RAB11B: variants seen among roughly 807,000 people sequenced by gnomAD.
RAB11B encodes the protein ras-related protein Rab-11B.
Under a neutral mutation model 23.7 loss-of-function variants are expected in RAB11B, and 7 were observed. The observed-to-expected ratio is 0.29, with a 90% CI of 0.17 to 0.55. The LOEUF is 0.55. RAB11B is among the 20% of genes least tolerant of loss of function. RAB11B has a pLI of 0.93. For synonymous variants in RAB11B, 138 were observed against 132.0 expected (o/e 1.05, Z -0.31); for missense variants, 189 against 320.0 (o/e 0.59, Z 3.12).
chr19:8,395,017 C>T (rs1434721195), intron 1 of RAB11B, among the ~76,000 whole-genome samples: 2 of 152,226 alleles, frequency 1.3e-5, no homozygotes, highest in South Asian at 2.1e-4. Flanking sequence ...GTGAAGGTGT[C>T]GGGAATGCCT....
At chr19:8,395,553 G>C (rs964690931) in intron 1 of RAB11B, among the ~76,000 whole-genome samples, 1 of 152,104 alleles carries the variant, frequency 6.6e-6, no homozygotes, top group Non-Finnish European at 1.5e-5. Flanking sequence ...CACTGTACCC[G>C]GCCATCTTTC....
rs2913970 is a variant in RAB11B, at chr19:8,399,769, G to A, written c.41-94G>A. 0.29 allele frequency: 412,357 copies of A among 1,410,438 alleles called. 62,533 individuals carry two copies. The highest frequency in any genetic ancestry group is 0.32 in the Middle Eastern group (1,632 of 5,082). The allele number at this position is 1,410,438 out of a possible 1,614,324, so 87.4% of individuals were successfully genotyped here. A position where few individuals can be genotyped will look rare whatever the true frequency, so the allele number is the denominator to read the frequency against. Reference sequence around the variant, plus strand: ...CGACTCCTCCACACCGTTGGCAGCCGCGTTGGTGCAGCACCCAGGGAACCG... The same window carrying A: ...CGACTCCTCCACACCGTTGGCAGCCACGTTGGTGCAGCACCCAGGGAACCG... On this transcript the variant is annotated intron_variant, in intron 1 of 4. Coordinates refer to ENST00000328024, the MANE Select transcript of RAB11B (RefSeq NM_004218.4).
intron 2 of RAB11B, among the ~76,000 whole-genome samples, chr19:8,400,544 TCTC>T (rs1971429241): frequency 1.3e-5 from 2 of 150,430 alleles, no homozygotes; most frequent in Non-Finnish European, 3.0e-5. Flanking sequence ...CTCCCTCCCA[TCTC>T]CTTCATCCCT....
chr19:8,398,053 G>GT (rs1568228185), intron 1 of RAB11B, among the ~76,000 whole-genome samples: 1 of 152,166 alleles, frequency 6.6e-6, no homozygotes, highest in Non-Finnish European at 1.5e-5. Flanking sequence ...CACATGGTAT[G>GT]TTCTGGGTCT....
intron 1 of RAB11B, 82 bp from the exon 2 acceptor site, chr19:8,399,781 C>T: frequency 6.6e-7 from 1 of 1,511,274 alleles, no homozygotes; most frequent in Non-Finnish European, 9.1e-7. Flanking sequence ...GTTGGTGCAG[C>T]ACCCAGGGAA....
chr19:8,401,811 C>G (rs1971439660), intron 2 of RAB11B, among the ~76,000 whole-genome samples: 2 of 152,198 alleles, frequency 1.3e-5, no homozygotes, highest in African/African-American at 4.8e-5. Flanking sequence ...CATGAGCCAC[C>G]ATGCCCAGCC....
chr19:8,402,333 CT>C (rs1398324063), intron 3 of RAB11B, 54 bp downstream of exon 3: 3 of 1,531,192 alleles, frequency 2.0e-6, no homozygotes, highest in South Asian at 1.2e-5. Context: ...CAGGAGGCCC[CT>C]CACAGTGTTG....
intron 1 of RAB11B, among the ~76,000 whole-genome samples, chr19:8,395,304 C>T (rs367587033): frequency 1.9e-4 from 28 of 143,606 alleles, no homozygotes; most frequent in African/African-American, 6.0e-4. Flanking sequence ...GATGGAGTCT[C>T]GCTGTGTCGC....
In RAB11B at chr19:8,403,579, G is replaced by A. The variant is rs763311062; in HGVS notation, c.*21G>A. On this transcript the variant is annotated 3_prime_UTR_variant, in exon 5 of 5. Coordinates refer to ENST00000328024, the MANE Select transcript of RAB11B (RefSeq NM_004218.4). ...TGTGACCCCTGCGCCTCCACCCAGC[G>A]TGCGTGCACGTCCTCCGCCCGCCCC... 1.7e-5 allele frequency: 27 copies of A among 1,601,402 alleles called. No individual in the cohort carries two copies. Among genetic ancestry groups the A allele is most frequent in the Admixed American group, 1.7e-5 (1 of 59,488 alleles).
chr19:8,400,755 T>G (rs775400969), intron 2 of RAB11B, among the ~76,000 whole-genome samples: 5 of 151,686 alleles, frequency 3.3e-5, no homozygotes, highest in East Asian at 1.9e-4. Flanking sequence ...CCAGGCTAAT[T>G]TTGTATTTTT....
At chr19:8,399,378 G>A (rs192096244) in intron 1 of RAB11B, among the ~76,000 whole-genome samples, 148 of 152,282 alleles carry the variant, frequency 9.7e-4, no homozygotes, top group African/African-American at 3.5e-3. Context: ...GGGAGCCACC[G>A]TGCCTGGCCA....
intron 2 of RAB11B, among the ~76,000 whole-genome samples, chr19:8,401,645 A>G (rs1416924244): frequency 6.6e-6 from 1 of 152,042 alleles, no homozygotes; most frequent in Non-Finnish European, 1.5e-5. Context: ...TCGGCTTCCC[A>G]AAGTGCTGGG....
At position 8,402,128 on chromosome 19, in the gene RAB11B, C is replaced by T. The variant is rs746281382; in HGVS notation, c.279C>T (p.Ile93=). 2.1e-5 allele frequency: 33 copies of T among 1,608,140 alleles called. No individual in the cohort carries two copies. The East Asian group carries it at 4.7e-4, about 23-fold the overall frequency. ...TGGGCGCCCTGCTGGTGTACGACATCGCCAAGCACCTGACCTATGAGAACG... is the reference window on the plus strand; with the variant it reads ...TGGGCGCCCTGCTGGTGTACGACATTGCCAAGCACCTGACCTATGAGAACG... The part of the protein sequence containing the change: ...GAVGALLVYD[I]AKHLTYENVE... Residue 93 remains isoleucine (I), a synonymous_variant, in exon 3 of 5, where the codon ATC becomes ATT. Transcript: ENST00000328024.
At chr19:8,399,609 A>ACAG (rs1409965663) in intron 1 of RAB11B, among the ~76,000 whole-genome samples, 2 of 152,118 alleles carry the variant, frequency 1.3e-5, no homozygotes. Context: ...CCCAGCTGGG[A>ACAG]CAGCCCTGCT....
chr19:8,393,020 C>T (rs1350764582), intron 1 of RAB11B, among the ~76,000 whole-genome samples: 2 of 148,666 alleles, frequency 1.3e-5, no homozygotes, highest in African/African-American at 2.5e-5. Flanking sequence ...GTGGCCACAT[C>T]ACGCACTGGC....
rs1971454664 is a variant in RAB11B, at chr19:8,403,486, G to A, written c.585G>A (p.Val195=). 1.9e-6 allele frequency: 3 copies of A among 1,613,860 alleles called. No individual in the cohort carries two copies. The East Asian group carries it at 6.7e-5, about 36-fold the overall frequency. Residue 195 remains valine (V), a synonymous_variant, in exon 5 of 5, where the codon GTG becomes GTA. Coordinates refer to ENST00000328024, the MANE Select transcript of RAB11B (RefSeq NM_004218.4). The part of the protein sequence containing the change: ...AAHDESPGNN[V]VDISVPPTTD... ...ACGACGAGTCCCCGGGGAACAACGT[G>A]GTGGACATCAGCGTGCCGCCCACCA... is the stretch of plus-strand genomic sequence containing the variant.
chr19:8,398,667 G>A (rs1365646297), intron 1 of RAB11B, among the ~76,000 whole-genome samples: 1 of 152,154 alleles, frequency 6.6e-6, no homozygotes, highest in Non-Finnish European at 1.5e-5. Flanking sequence ...GGGTTGAGGT[G>A]GGAGTAGCTC....
At position 8,402,161 on chromosome 19, in the gene RAB11B, C is replaced by G. The variant is rs1971442949; in HGVS notation, c.312C>G (p.Arg104=). ...ACCTGACCTATGAGAACGTGGAGCG[C>G]TGGCTGAAGGAGCTGCGGGACCACG... ...AKHLTYENVE[R]WLKELRDHAD... is the part of the protein sequence containing the mutation. The change falls in exon 3 of 5, where the codon CGC becomes CGG. Residue 104 remains arginine (R), a synonymous_variant. Transcript: ENST00000328024. 6.2e-7 allele frequency: 1 copy of G among 1,607,044 alleles called. No homozygotes were observed. Among genetic ancestry groups the G allele is most frequent in the East Asian group, 2.2e-5 (1 of 44,498 alleles).
intron 1 of RAB11B, among the ~76,000 whole-genome samples, chr19:8,398,310 A>G (rs1674961982): frequency 6.6e-6 from 1 of 152,030 alleles, no homozygotes; most frequent in Non-Finnish European, 1.5e-5. Context: ...ACAAACCCTC[A>G]TCTCTGTTCT....
Sources: gnomAD v4.1 joint callset for allele counts (sites outside exome capture counted in the v4.1 genomes callset) on GRCh38, gnomAD v4.1.1 for gene constraint, MANE v1.5 for transcripts, NCBI Gene and HGNC (gene_info 2026-07-23, HGNC 2026-07-21) for gene names.